The following ROBO1 variants were observed in gnomAD, a reference collection of about 807,000 sequenced individuals.
The protein encoded by ROBO1 is roundabout guidance receptor 1.
ROBO1 carries 149 observed loss-of-function variants against 195.9 expected under a neutral mutation model. The observed-to-expected ratio is 0.76, with a 90% CI of 0.67 to 0.87. The LOEUF (loss-of-function observed/expected upper bound fraction) is 0.87, where lower values mean the gene tolerates loss of function less well. Among genes scored for constraint, ROBO1 ranks in the 40% least tolerant of loss-of-function variants. The pLI is 0.00. For synonymous variants in ROBO1, 816 were observed against 733.2 expected (o/e 1.11, Z -1.82); for missense variants, 1,933 against 2,068.3 (o/e 0.93, Z 1.27).
At chr3:79,403,658 T>A (rs536672734) in intron 2 of ROBO1, among the ~76,000 whole-genome samples, 3 of 152,166 alleles carry the variant, frequency 2.0e-5, no homozygotes, top group African/African-American at 7.2e-5. Context: ...TCACTAATTT[T>A]AAAATCAAAG....
intron 2 of ROBO1, among the ~76,000 whole-genome samples, chr3:79,362,811 G>A (rs1038448199): frequency 6.6e-6 from 1 of 152,000 alleles, no homozygotes; most frequent in Non-Finnish European, 1.5e-5. Flanking sequence ...ATCTCTGTAG[G>A]AGCTTTTTCT....
chr3:79,639,486 T>A (rs1039266494), intron 1 of ROBO1, among the ~76,000 whole-genome samples: 1 of 152,072 alleles, frequency 6.6e-6, no homozygotes. Context: ...TACAACCAGG[T>A]TGGAAAAAAA....
intron 2 of ROBO1, among the ~76,000 whole-genome samples, chr3:79,415,254 G>C (rs1412671640): frequency 6.6e-6 from 1 of 152,144 alleles, no homozygotes; most frequent in Non-Finnish European, 1.5e-5. Flanking sequence ...TGAAGTTCCT[G>C]CCTTCATAGA....
chr3:79,475,209 T>A (rs1433200197), intron 2 of ROBO1, among the ~76,000 whole-genome samples: 1 of 151,958 alleles, frequency 6.6e-6, no homozygotes. Flanking sequence ...AACTTTCAAA[T>A]GCAGGTATGT....
chr3:79,434,502 C>A (rs1196111209), intron 2 of ROBO1, among the ~76,000 whole-genome samples: 1 of 152,110 alleles, frequency 6.6e-6, no homozygotes, highest in Non-Finnish European at 1.5e-5. Flanking sequence ...AAATGCAAAT[C>A]AAAACCACAA....
intron 2 of ROBO1, among the ~76,000 whole-genome samples, chr3:79,514,274 G>A (rs1385824242): frequency 6.6e-6 from 1 of 152,116 alleles, no homozygotes; most frequent in Admixed American, 6.6e-5. Flanking sequence ...ATTCCAAAAG[G>A]CACATTTCTC....
At chr3:79,748,634 T>A (rs1025221213) in intron 1 of ROBO1, among the ~76,000 whole-genome samples, 22 of 152,150 alleles carry the variant, frequency 1.4e-4, no homozygotes, top group African/African-American at 4.8e-4. Flanking sequence ...TTCCCATGTG[T>A]TGTGAGAGGA....
intron 3 of ROBO1, among the ~76,000 whole-genome samples, chr3:79,022,728 A>G (rs1376397809): frequency 1.3e-5 from 2 of 152,210 alleles, no homozygotes; most frequent in African/African-American, 4.8e-5. Context: ...TGTGATCTGA[A>G]TGAATCGTGG....
chr3:78,983,541 T>G (rs1269220710), intron 3 of ROBO1, among the ~76,000 whole-genome samples: 1 of 152,188 alleles, frequency 6.6e-6, no homozygotes, highest in East Asian at 1.9e-4. Context: ...ATTCAAGTAT[T>G]CAAACTTTGC....
At chr3:79,734,546 T>G (rs59978092) in intron 1 of ROBO1, among the ~76,000 whole-genome samples, 5,612 of 152,338 alleles carry the variant, frequency 0.037, 355 homozygotes, top group African/African-American at 0.13. Flanking sequence ...TCTTGTGTTA[T>G]TTCCTAAAAC....
In ROBO1 at chr3:79,548,677, G is replaced by A. The variant is rs145260285; in HGVS notation, c.88+41147C>T. On this transcript the variant is annotated intron_variant, in intron 2 of 30. Coordinates refer to ENST00000464233, the MANE Select transcript of ROBO1 (RefSeq NM_002941.4). ...TTATTTGATGTGAACAGAACTATGT[G>A]GTATATTATATGCACCTATCAACAT... 8.1e-3 allele frequency among the ~76,000 whole-genome samples: 1,232 copies of A among 152,202 alleles called. 20 individuals carry two copies. The highest frequency in any genetic ancestry group is 0.028 in the African/African-American group (1,170 of 41,520).
chr3:79,431,599 C>A (rs2038682654), intron 2 of ROBO1, among the ~76,000 whole-genome samples: 1 of 151,966 alleles, frequency 6.6e-6, no homozygotes, highest in Non-Finnish European at 1.5e-5. Flanking sequence ...AAAAAAAGTA[C>A]AAATCATTTA....
chr3:79,471,016 T>C (rs1005412956), intron 2 of ROBO1, among the ~76,000 whole-genome samples: 3 of 152,108 alleles, frequency 2.0e-5, no homozygotes, highest in African/African-American at 4.8e-5. Context: ...CAGCAGCCAG[T>C]TGATTTTCAA....
chr3:78,618,597 A>C (rs1704265280), intron 26 of ROBO1, among the ~76,000 whole-genome samples: 1 of 152,102 alleles, frequency 6.6e-6, no homozygotes. Context: ...TTTCCTTTAG[A>C]TTTTATTCTA....
At chr3:79,650,856 G>C (rs2106745447) in intron 1 of ROBO1, among the ~76,000 whole-genome samples, 1 of 151,854 alleles carries the variant, frequency 6.6e-6, no homozygotes, top group South Asian at 2.1e-4. Flanking sequence ...ACAAAACCTT[G>C]ACCCCATTTA....
At chr3:78,817,271 C>A (rs2030142849) in intron 4 of ROBO1, among the ~76,000 whole-genome samples, 1 of 152,140 alleles carries the variant, frequency 6.6e-6, no homozygotes. Context: ...TGTCTACCAG[C>A]AAAAAGATTG....
intron 2 of ROBO1, among the ~76,000 whole-genome samples, chr3:79,491,782 CT>C (rs35967088): frequency 0.29 from 40,719 of 142,368 alleles, 5,574 homozygotes; most frequent in Middle Eastern, 0.36. Context: ...TTTAATCTGA[CT>C]TTTTTTTTTT....
At chr3:79,268,879 T>C (rs2030248110) in intron 2 of ROBO1, among the ~76,000 whole-genome samples, 1 of 151,746 alleles carries the variant, frequency 6.6e-6, no homozygotes, top group Admixed American at 6.6e-5. Flanking sequence ...ATACAATGGT[T>C]TGGCCACAAA....
chr3:78,985,281 C>G (rs1270727038), intron 3 of ROBO1, among the ~76,000 whole-genome samples: 1 of 152,074 alleles, frequency 6.6e-6, no homozygotes, highest in East Asian at 1.9e-4. Flanking sequence ...GCCTGGGAGA[C>G]AGAGTGAGAC....
Sources: gnomAD v4.1 joint callset for allele counts (sites outside exome capture counted in the v4.1 genomes callset) on GRCh38, gnomAD v4.1.1 for gene constraint, MANE v1.5 for transcripts, NCBI Gene and HGNC (gene_info 2026-07-23, HGNC 2026-07-21) for gene names.